STK33: variants seen among roughly 807,000 people sequenced by gnomAD.
STK33 encodes the protein serine/threonine-protein kinase 33.
In STK33, 52 loss-of-function variants were observed where a neutral mutation model predicts 58.0. That is an observed-to-expected ratio of 0.90 (90% CI 0.72 to 1.13). The LOEUF (loss-of-function observed/expected upper bound fraction) is 1.13, where lower values mean the gene tolerates loss of function less well. Ranked by LOEUF, STK33 falls within the 50% of genes most tolerant of loss-of-function variation. The pLI, the probability that STK33 is intolerant of heterozygous loss-of-function variation, is 0.00. For synonymous variants in STK33, 215 were observed against 200.1 expected (o/e 1.07, Z -0.63); for missense variants, 630 against 604.2 (o/e 1.04, Z -0.45).
chr11:8,343,602 T>C, the STK33 span, among the ~76,000 whole-genome samples: 2 of 152,200 alleles, frequency 1.3e-5, no homozygotes, highest in East Asian at 1.9e-4. Flanking sequence ...ACTCTCACCA[T>C]GGCAGCTGCA....
At chr11:8,412,939 A>G (rs968949365) in intron 15 of STK33, among the ~76,000 whole-genome samples, 1 of 152,256 alleles carries the variant, frequency 6.6e-6, no homozygotes, top group Non-Finnish European at 1.5e-5. Context: ...CAGAACTAAT[A>G]AGGTAAAATA....
chr11:8,465,306 A>G (rs1443064801), intron 6 of STK33: 1 of 151,988 alleles, frequency 6.6e-6, no homozygotes, highest in African/African-American at 2.4e-5. Context: ...CCTGTATCTT[A>G]TGAAAAATCA....
chr11:8,466,048 A>G (rs1424176724), intron 6 of STK33: 1 of 151,968 alleles, frequency 6.6e-6, no homozygotes, highest in Admixed American at 6.6e-5. Context: ...GAAAAGACCC[A>G]CCCTTCTGAT....
the STK33 span, among the ~76,000 whole-genome samples, chr11:8,372,840 C>CG: frequency 6.6e-6 from 1 of 152,186 alleles, no homozygotes; most frequent in Non-Finnish European, 1.5e-5. Flanking sequence ...CGGCCTCTTC[C>CG]GGGGGCTCTG....
At chr11:8,515,022 A>T (rs981498995) in intron 1 of STK33, among the ~76,000 whole-genome samples, 2 of 152,176 alleles carry the variant, frequency 1.3e-5, no homozygotes, top group African/African-American at 2.4e-5. Context: ...AACTCAAAGG[A>T]TGGTCATAAT....
chr11:8,426,332 G>A (rs1050473761), intron 14 of STK33, among the ~76,000 whole-genome samples: 1 of 152,218 alleles, frequency 6.6e-6, no homozygotes. Flanking sequence ...GCCGCGGAGT[G>A]ACTCTCAATG....
intron 1 of STK33, among the ~76,000 whole-genome samples, chr11:8,542,269 C>A (rs915375558): frequency 6.6e-6 from 1 of 152,092 alleles, no homozygotes; most frequent in Non-Finnish European, 1.5e-5. Context: ...CATGTCATTA[C>A]GAAACCTAAG....
At chr11:8,403,575 C>G (rs1048652027) in intron 15 of STK33, among the ~76,000 whole-genome samples, 1 of 152,184 alleles carries the variant, frequency 6.6e-6, no homozygotes, top group African/African-American at 2.4e-5. Context: ...TTCAATTGTT[C>G]TTCATCTCTG....
intron 14 of STK33, among the ~76,000 whole-genome samples, chr11:8,424,912 A>C (rs995894744): frequency 2.5e-4 from 34 of 134,846 alleles, no homozygotes; most frequent in South Asian, 5.5e-4. Context: ...TAGATTGCAA[A>C]AATTTTCTCC....
intron 1 of STK33, among the ~76,000 whole-genome samples, chr11:8,582,354 C>G (rs2030513013): frequency 6.6e-6 from 1 of 152,162 alleles, no homozygotes. Flanking sequence ...TTTCATACGG[C>G]TATAAAGAAC....
chr11:8,432,636 G>GA (rs1340246872), intron 14 of STK33, among the ~76,000 whole-genome samples: 3 of 152,150 alleles, frequency 2.0e-5, no homozygotes, highest in Non-Finnish European at 4.4e-5. Flanking sequence ...AAACTTTATA[G>GA]AAAAATGTTA....
At chr11:8,550,767 G>A (rs1956248188) in intron 1 of STK33, among the ~76,000 whole-genome samples, 1 of 152,038 alleles carries the variant, frequency 6.6e-6, no homozygotes, top group South Asian at 2.1e-4. Context: ...CAGCATTTTG[G>A]GCAAAGAATT....
At chr11:8,473,518 A>C (rs1948987114) in intron 5 of STK33, among the ~76,000 whole-genome samples, 2 of 152,194 alleles carry the variant, frequency 1.3e-5, no homozygotes, top group African/African-American at 4.8e-5. Context: ...CTACATGATA[A>C]CCAGCATAGC....
At chr11:8,505,938 G>GA (rs1265524546) in intron 1 of STK33, among the ~76,000 whole-genome samples, 1 of 152,034 alleles carries the variant, frequency 6.6e-6, no homozygotes, top group Non-Finnish European at 1.5e-5. Context: ...CACATAAAAT[G>GA]AAAAAAGTAG....
chr11:8,372,339 G>A, the STK33 span, among the ~76,000 whole-genome samples: 40 of 152,222 alleles, frequency 2.6e-4, no homozygotes, highest in Non-Finnish European at 3.8e-4. Flanking sequence ...AGTGATCCAC[G>A]GGGTCCTTAG....
chr11:8,486,448 C>T (rs564132095), intron 1 of STK33, among the ~76,000 whole-genome samples: 5 of 152,304 alleles, frequency 3.3e-5, no homozygotes, highest in African/African-American at 1.2e-4. Flanking sequence ...TGTATAATTC[C>T]TACTCTTCCT....
At chr11:8,507,421 T>C (rs926194490) in intron 1 of STK33, among the ~76,000 whole-genome samples, 3 of 152,158 alleles carry the variant, frequency 2.0e-5, no homozygotes, top group African/African-American at 7.2e-5. Context: ...TTAATACATA[T>C]AAAATACTTA....
chr11:8,577,275 C>T (rs74053295), intron 1 of STK33, among the ~76,000 whole-genome samples: 3,524 of 152,198 alleles, frequency 0.023, 149 homozygotes, highest in African/African-American at 0.079. Flanking sequence ...TGACTTTAGA[C>T]TGTACTCCAG....
At chr11:8,369,032 C>T in the STK33 span, among the ~76,000 whole-genome samples, 1 of 152,102 alleles carries the variant, frequency 6.6e-6, no homozygotes, top group African/African-American at 2.4e-5. Context: ...ACTGGGCAGC[C>T]ATGGAAGGGT....
Sources: allele counts gnomAD v4.1 joint callset (sites outside exome capture counted in the v4.1 genomes callset), GRCh38; gene constraint gnomAD v4.1.1; transcripts MANE v1.5; gene names NCBI Gene and HGNC (gene_info 2026-07-23, HGNC 2026-07-21).